The following THUMPD3 variants were observed in gnomAD, a reference collection of about 807,000 sequenced individuals.
The protein encoded by THUMPD3 is THUMP domain 3 tRNA guanosine methyltransferase, also known as tRNA (guanine(6)-N(2))-methyltransferase THUMP3.
In THUMPD3, 44 loss-of-function variants were observed where a neutral mutation model predicts 54.5. The observed-to-expected ratio is 0.81, with a 90% confidence interval of 0.63 to 1.04. THUMPD3 has a LOEUF of 1.04. THUMPD3 is among the 50% of genes least tolerant of loss of function. The pLI is 0.00. For synonymous variants in THUMPD3, 196 were observed against 201.4 expected (o/e 0.97, Z 0.23); for missense variants, 604 against 601.3 (o/e 1.00, Z -0.05).
rs2033217853 is a variant in THUMPD3, at chr3:9,384,782, A to G, written c.*94A>G. ...AAGTATTAACAAAACTGCAGTCTGC[A>G]CTCTTTAAACCTGTTTAAGGCTCTT... On this transcript the variant is annotated 3_prime_UTR_variant, in exon 10 of 10. Transcript: ENST00000452837. 1 of 1,416,466 alleles carries G rather than the reference A, an allele frequency of 7.1e-7. No homozygotes were observed. Among genetic ancestry groups the G allele is most frequent in the Non-Finnish European group, 9.8e-7 (1 of 1,024,390 alleles). 87.7% of individuals were successfully genotyped at this position (1,416,466 alleles called of 1,614,324 possible).
intron 5 of THUMPD3, among the ~76,000 whole-genome samples, chr3:9,376,697 A>C (rs574122437): frequency 6.6e-6 from 1 of 152,348 alleles, no homozygotes; most frequent in South Asian, 2.1e-4. Flanking sequence ...ACACCAGCAC[A>C]TGAAAAGATT....
chr3:9,363,403 C>G (rs2031068323), intron 1 of THUMPD3: 1 of 152,346 alleles, frequency 6.6e-6, no homozygotes, highest in South Asian at 2.1e-4. Context: ...TTTAGCTGAC[C>G]TCAGCTGCAT....
At position 9,381,287 on chromosome 3, in the gene THUMPD3, A is replaced by G. The variant is rs115834572; in HGVS notation, c.1124+669A>G. On this transcript the variant is annotated intron_variant, in intron 7 of 9. Coordinates refer to ENST00000452837, the MANE Select transcript of THUMPD3 (RefSeq NM_001114092.2). ...ATCGTATAGAAATACTGCAGTTTAT[A>G]TAGCCTCGCCTCTATTTTATTACTA... 3.1e-3 allele frequency among the ~76,000 whole-genome samples: 478 copies of G among 152,356 alleles called. 7 individuals carry two copies. Among genetic ancestry groups the G allele is most frequent in the African/African-American group, 0.011 (465 of 41,586 alleles).
At chr3:9,371,577 C>A in intron 4 of THUMPD3, 41 bp downstream of exon 4, 2 of 1,496,474 alleles carry the variant, frequency 1.3e-6, no homozygotes, top group South Asian at 1.2e-5. Context: ...AGAATGCTGT[C>A]ACAGATTTGT....
At chr3:9,382,748 C>T (rs922552255) in intron 7 of THUMPD3, among the ~76,000 whole-genome samples, 3 of 152,058 alleles carry the variant, frequency 2.0e-5, no homozygotes, top group South Asian at 2.1e-4. Flanking sequence ...TTTTCTGAGA[C>T]GGGGGTCTTG....
intron 2 of THUMPD3, among the ~76,000 whole-genome samples, chr3:9,366,059 C>T (rs2031538985): frequency 6.6e-6 from 1 of 152,044 alleles, no homozygotes; most frequent in Admixed American, 6.6e-5. Context: ...GGATTGAATT[C>T]ACCAGAAAGA....
chr3:9,386,031 A>G lies in THUMPD3; in HGVS notation c.*1343A>G, dbSNP rs2033308427. On this transcript the variant is annotated 3_prime_UTR_variant, in exon 10 of 10. Transcript: ENST00000452837. ...AGATTTTCAGTATCCTATTAGTATT[A>G]TAATAGTACTCCTCTTAATACTTTC... is the stretch of plus-strand genomic sequence containing the variant. 6.6e-6 allele frequency: 1 copy of G among 152,210 alleles called. No homozygotes were observed. Among genetic ancestry groups the G allele is most frequent in the Admixed American group, 6.5e-5 (1 of 15,286 alleles). 9.4% of individuals were successfully genotyped at this position (152,210 alleles called of 1,614,324 possible). A position where few individuals can be genotyped will look rare whatever the true frequency, so the allele number is the denominator to read the frequency against.
At chr3:9,373,438 T>C (rs1447385155) in intron 4 of THUMPD3, among the ~76,000 whole-genome samples, 1 of 152,082 alleles carries the variant, frequency 6.6e-6, no homozygotes, top group African/African-American at 2.4e-5. Flanking sequence ...CAGGCCACAG[T>C]GATCTGTGAT....
chr3:9,372,847 A>C (rs569952410), intron 4 of THUMPD3, among the ~76,000 whole-genome samples: 91 of 152,178 alleles, frequency 6.0e-4, no homozygotes, highest in Non-Finnish European at 1.1e-3. Flanking sequence ...CCAAAGAGTC[A>C]ATTTCCGTTG....
In THUMPD3 at chr3:9,385,307, T is replaced by A. The variant is rs2033258041; in HGVS notation, c.*619T>A. On this transcript the variant is annotated 3_prime_UTR_variant, in exon 10 of 10. Coordinates refer to ENST00000452837, the MANE Select transcript of THUMPD3 (RefSeq NM_001114092.2). ...TATTTTCAGGCTTTATGGCCTATTTTCCATTGTGTCAAGTGCAAAACTACC... is the reference window on the plus strand; with the variant it reads ...TATTTTCAGGCTTTATGGCCTATTTACCATTGTGTCAAGTGCAAAACTACC... The A allele has an allele frequency of 6.6e-6, 1 of 152,328 alleles. No homozygotes were observed. The highest frequency in any genetic ancestry group is 2.4e-5 in the African/African-American group (1 of 41,448). The allele number at this position is 152,328 out of a possible 1,614,324, so 9.4% of individuals were successfully genotyped here. A position where few individuals can be genotyped will look rare whatever the true frequency, so the allele number is the denominator to read the frequency against.
chr3:9,386,502 A>G lies in THUMPD3; in HGVS notation c.*1814A>G, dbSNP rs1166145261. The G allele has an allele frequency of 6.6e-6, 1 of 151,926 alleles. No homozygotes were observed. Among genetic ancestry groups the G allele is most frequent in the Non-Finnish European group, 1.5e-5 (1 of 67,994 alleles). The allele number at this position is 151,926 out of a possible 1,614,324, so 9.4% of individuals were successfully genotyped here. A position where few individuals can be genotyped will look rare whatever the true frequency, so the allele number is the denominator to read the frequency against. On this transcript the variant is annotated 3_prime_UTR_variant, in exon 10 of 10. Coordinates refer to ENST00000452837, the MANE Select transcript of THUMPD3 (RefSeq NM_001114092.2). ...TTTTAAGGAAATCATTTTTTACTTG[A>G]TTCATCATAGCTTTAATTCTATTAC...
At chr3:9,374,906 T>C (rs558726385) in intron 5 of THUMPD3, among the ~76,000 whole-genome samples, 42 of 152,350 alleles carry the variant, frequency 2.8e-4, no homozygotes, top group African/African-American at 8.7e-4. Context: ...TCGCCCAGAC[T>C]GGACTGCAGT....
chr3:9,379,936 T>C (rs758288333), intron 6 of THUMPD3, among the ~76,000 whole-genome samples: 1 of 152,136 alleles, frequency 6.6e-6, no homozygotes, highest in Non-Finnish European at 1.5e-5. Context: ...GAAATCCTCC[T>C]GCCTCAGCTT....
chr3:9,384,342 TA>T lies in THUMPD3; in HGVS notation c.1359+8del. On this transcript the variant is annotated splice_region_variant and intron_variant, in intron 9 of 9. Transcript: ENST00000452837. Reference sequence around the variant, plus strand: ...CACAAAATGCTTTACCAAGGTGCTATACACATTAGCTCAAAATCGCAGCCTG... The same window carrying T: ...CACAAAATGCTTTACCAAGGTGCTATCACATTAGCTCAAAATCGCAGCCTG... 6.2e-7 allele frequency: 1 copy of T among 1,608,036 alleles called. No homozygotes were observed. The highest frequency in any genetic ancestry group is 8.5e-7 in the Non-Finnish European group (1 of 1,177,926).
Position 9,377,909 on chromosome 3 carries a change from T to G in THUMPD3, c.1008+21T>G, listed in dbSNP as rs1312913024. 3 of 1,588,816 alleles carry G rather than the reference T, an allele frequency of 1.9e-6. No individual in the cohort carries two copies. In the Admixed American group the frequency reaches 5.0e-5, roughly 27 times the overall value. On this transcript the variant is annotated intron_variant, in intron 6 of 9. Coordinates refer to ENST00000452837, the MANE Select transcript of THUMPD3 (RefSeq NM_001114092.2). ...TAGAGGTAATCATATTTCTTTAGCT[T>G]TTAGATAAGAGTGATACATCCAGAA...
intron 5 of THUMPD3, 121 bp from the exon 6 acceptor site, chr3:9,377,698 G>A (rs2032570331): frequency 2.8e-6 from 2 of 708,084 alleles, no homozygotes; most frequent in African/African-American, 1.8e-5. Flanking sequence ...TAAAATATGT[G>A]TAGATTGGTG....
chr3:9,374,444 C>G (rs2032304838), intron 4 of THUMPD3, 72 bp from the exon 5 acceptor site: 4 of 1,566,086 alleles, frequency 2.6e-6, no homozygotes, highest in Non-Finnish European at 3.5e-6. Flanking sequence ...CGGCCCAGGT[C>G]AGAAAAGTCT....
intron 3 of THUMPD3, among the ~76,000 whole-genome samples, chr3:9,369,410 A>G (rs1189364637): frequency 3.3e-5 from 5 of 151,858 alleles, no homozygotes; most frequent in African/African-American, 4.8e-5. Context: ...CGTTATACGT[A>G]TAGCTTGACG....
chr3:9,368,696 G>C (rs964718656), intron 3 of THUMPD3, among the ~76,000 whole-genome samples: 1 of 152,068 alleles, frequency 6.6e-6, no homozygotes, highest in Non-Finnish European at 1.5e-5. Flanking sequence ...ACAAATCTGT[G>C]ATTTATATGG....
Sources: allele counts gnomAD v4.1 joint callset (sites outside exome capture counted in the v4.1 genomes callset), GRCh38; gene constraint gnomAD v4.1.1; transcripts MANE v1.5; gene names NCBI Gene and HGNC (gene_info 2026-07-23, HGNC 2026-07-21).